Variants in PAGE2B observed in about 807,000 individuals in gnomAD.
The protein encoded by PAGE2B is putative G antigen family E member 3.
Under a neutral mutation model 7.6 loss-of-function variants are expected in PAGE2B, and 5 were observed. The ratio of observed to expected loss-of-function variants is 0.66; its 90% CI spans 0.34 to 1.38. The LOEUF (loss-of-function observed/expected upper bound fraction) is 1.38, where lower values mean the gene tolerates loss of function less well. Ranked by LOEUF, PAGE2B falls within the 40% of genes most tolerant of loss-of-function variation. PAGE2B has a pLI of 0.04. For missense variants in PAGE2B, 70 were observed against 78.4 expected (o/e 0.89, Z 0.41); for synonymous variants, 29 against 26.7 (o/e 1.09, Z -0.27).
At chrX:55,045,451 C>T in the PAGE2B span, among the ~76,000 whole-genome samples, 2 of 111,484 alleles carry the variant, frequency 1.8e-5, no homozygotes, top group Admixed American at 1.9e-4. Context: ...CTGCTTGTAA[C>T]ATCTCTAGAC....
the PAGE2B span, among the ~76,000 whole-genome samples, chrX:55,035,320 G>A: frequency 8.9e-6 from 1 of 111,753 alleles, no homozygotes; most frequent in Non-Finnish European, 1.9e-5. Context: ...AAAGCAATAT[G>A]AGCAAAAGGA....
rs761941029 is a variant in PAGE2B, at chrX:55,076,687, G to A, written c.193+10G>A. On this transcript the variant is annotated intron_variant, in intron 3 of 4. Transcript: ENST00000374971. Reference sequence around the variant, plus strand: ...GCACCTGCCGTTCAAGGTGAAGGGAGAGTGGAGAATAATGCTTATGGGTGG... The same window carrying A: ...GCACCTGCCGTTCAAGGTGAAGGGAAAGTGGAGAATAATGCTTATGGGTGG... 7 of 1,194,783 alleles carry A rather than the reference G, an allele frequency of 5.9e-6. No homozygotes were observed. The Admixed American group carries it at 1.6e-4, about 27-fold the overall frequency.
chrX:55,053,529 A>C, the PAGE2B span, among the ~76,000 whole-genome samples: 3 of 112,195 alleles, frequency 2.7e-5, no homozygotes, highest in Admixed American at 9.5e-5. Context: ...CTTAAAATAA[A>C]ATTTTAAAAA....
chrX:55,058,429 T>A, the PAGE2B span, among the ~76,000 whole-genome samples: 1 of 111,287 alleles, frequency 9.0e-6, no homozygotes, highest in Non-Finnish European at 1.9e-5. Flanking sequence ...TAATTTGCAT[T>A]ATTTTATCTG....
chrX:55,074,018 C>T (rs2146464414), upstream of PAGE2B, among the ~76,000 whole-genome samples: 1 of 111,256 alleles, frequency 9.0e-6, no homozygotes, highest in East Asian at 2.8e-4. Context: ...GGAGTAGAAG[C>T]AAACACGTGT....
chrX:55,037,625 C>T, the PAGE2B span, among the ~76,000 whole-genome samples: 1 of 110,737 alleles, frequency 9.0e-6, no homozygotes, highest in Non-Finnish European at 1.9e-5. Flanking sequence ...CGGCACTATT[C>T]ACAATAGCAA....
the PAGE2B span, among the ~76,000 whole-genome samples, chrX:55,062,703 T>A: frequency 8.9e-6 from 1 of 111,998 alleles, no homozygotes. Context: ...GGTTCCCCAA[T>A]GTTTTCCTTT....
the PAGE2B span, among the ~76,000 whole-genome samples, chrX:55,069,186 A>C: frequency 9.0e-6 from 1 of 111,567 alleles, no homozygotes; most frequent in African/African-American, 3.3e-5. Context: ...TGCCATGAAC[A>C]CCTGTTATTA....
At chrX:55,076,424 G>T in intron 2 of PAGE2B, 145 bp from the exon 3 acceptor site, 1 of 543,158 alleles carries the variant, frequency 1.8e-6, no homozygotes, top group East Asian at 3.7e-5. Flanking sequence ...ATATACGTAT[G>T]TATGTATATA....
At chrX:55,050,180 T>C in the PAGE2B span, among the ~76,000 whole-genome samples, 1 of 112,491 alleles carries the variant, frequency 8.9e-6, no homozygotes, top group African/African-American at 3.2e-5. Flanking sequence ...AGACAGTTTG[T>C]TATAATTTCT....
chrX:55,069,473 T>A, the PAGE2B span, among the ~76,000 whole-genome samples: 1 of 110,945 alleles, frequency 9.0e-6, no homozygotes, highest in African/African-American at 3.3e-5. Flanking sequence ...GGATCAATGT[T>A]CATCAAGGAT....
At chrX:55,044,013 TGGATGTGGTAAAAA>T in the PAGE2B span, among the ~76,000 whole-genome samples, 1,275 of 107,806 alleles carry the variant, frequency 0.012, 22 homozygotes, top group African/African-American at 0.041. Flanking sequence ...GATGTTGGCA[TGGATGTGGTAAAAA>T]GGGAACACTT....
the PAGE2B span, among the ~76,000 whole-genome samples, chrX:55,030,201 CT>C: frequency 9.0e-6 from 1 of 111,451 alleles, no homozygotes; most frequent in South Asian, 3.8e-4. Context: ...CAGGCCAAGC[CT>C]TTTTTTCAGA....
At chrX:55,074,093 A>T (rs1411283312), upstream of PAGE2B, among the ~76,000 whole-genome samples, 1 of 112,285 alleles carries the variant, frequency 8.9e-6, no homozygotes, top group Non-Finnish European at 1.9e-5. Flanking sequence ...AAGAACTAAT[A>T]TGAAGCAAAT....
At chrX:55,034,130 G>A in the PAGE2B span, among the ~76,000 whole-genome samples, 1 of 111,892 alleles carries the variant, frequency 8.9e-6, no homozygotes, top group South Asian at 3.7e-4. Context: ...TGAAGGGTTG[G>A]TCTCACTATC....
the PAGE2B span, among the ~76,000 whole-genome samples, chrX:55,046,657 C>A: frequency 8.9e-6 from 1 of 111,854 alleles, no homozygotes; most frequent in Non-Finnish European, 1.9e-5. Context: ...CAGTTTATGA[C>A]CAACTTTATA....
chrX:55,075,075 C>CCGCCAT lies in PAGE2B; in HGVS notation c.-46_-41dup, dbSNP rs1250388981. 8.5e-6 allele frequency: 1 copy of CCGCCAT among 117,455 alleles called. No individual in the cohort carries two copies. Among genetic ancestry groups the CCGCCAT allele is most frequent in the Non-Finnish European group, 1.8e-5 (1 of 56,326 alleles). The allele number at this position is 117,455 out of a possible 1,213,427, so 9.7% of individuals were successfully genotyped here. ...TGCAAGGAGAGTGTCTTCATTCTTT[C>CCGCCAT]CGCCATCTTGATTCTTTGTCACTGA... On this transcript the variant is annotated 5_prime_UTR_variant, in exon 1 of 5. Coordinates refer to ENST00000374971, the MANE Select transcript of PAGE2B (RefSeq NM_001015038.3).
intron 1 of PAGE2B, among the ~76,000 whole-genome samples, 195 bp downstream of exon 1, chrX:55,075,309 G>C (rs745807439): frequency 8.9e-6 from 1 of 111,841 alleles, no homozygotes; most frequent in East Asian, 2.9e-4. Context: ...GACGAGGGAC[G>C]AGGGAGGAAG....
the PAGE2B span, among the ~76,000 whole-genome samples, chrX:55,065,182 T>G: frequency 9.0e-6 from 1 of 111,672 alleles, no homozygotes; most frequent in Non-Finnish European, 1.9e-5. Context: ...TTGTGGTCTA[T>G]CTCTTTCTTT....
Sources: gnomAD v4.1 joint callset for allele counts (sites outside exome capture counted in the v4.1 genomes callset) on GRCh38, gnomAD v4.1.1 for gene constraint, MANE v1.5 for transcripts, NCBI Gene and HGNC (gene_info 2026-07-23, HGNC 2026-07-21) for gene names.